The following COL23A1 variants were observed in gnomAD, a reference collection of about 807,000 sequenced individuals.
COL23A1 encodes collagen alpha-1(XXIII) chain.
Under a neutral mutation model 99.3 loss-of-function variants are expected in COL23A1, and 97 were observed. The observed-to-expected ratio is 0.98, with a 90% confidence interval of 0.83 to 1.16. The LOEUF is 1.16. COL23A1 is among the 50% of genes most tolerant of loss of function. COL23A1 has a pLI of 0.00. For missense variants in COL23A1, 762 were observed against 757.4 expected, an observed-to-expected ratio of 1.01 and a Z score of -0.07; for synonymous variants, 320 against 308.2, an observed-to-expected ratio of 1.04 and a Z score of -0.40.
intron 2 of COL23A1, among the ~76,000 whole-genome samples, chr5:178,495,560 T>C (rs1758152870): frequency 6.6e-6 from 1 of 152,094 alleles, no homozygotes; most frequent in African/African-American, 2.4e-5. Flanking sequence ...GGGAGTTGAC[T>C]GTAGGGCACC....
chr5:178,245,210 ATCT>A (rs1285826893), intron 25 of COL23A1, among the ~76,000 whole-genome samples: 1 of 136,332 alleles, frequency 7.3e-6, no homozygotes, highest in Admixed American at 7.4e-5. Context: ...TTCACTCATC[ATCT>A]ATCATCCATC....
chr5:178,542,829 C>T (rs746621273), intron 2 of COL23A1, among the ~76,000 whole-genome samples: 12 of 152,144 alleles, frequency 7.9e-5, no homozygotes, highest in Non-Finnish European at 1.8e-4. Flanking sequence ...GTTGGGCTGC[C>T]AGAGAATGGT....
rs549880525 is a variant in COL23A1 at position 178,518,196 on chromosome 5, A to T, written c.361+42486T>A. ...TGAGTGGACACAGCACATGTTTCAG[A>T]GAGCACGGGGTTGGGGGTAAGGTCA... On this transcript the variant is annotated intron_variant, in intron 2 of 28. Coordinates refer to ENST00000390654, the MANE Select transcript of COL23A1 (RefSeq NM_173465.4). Among the ~76,000 whole-genome samples the T allele has an allele frequency of 3.5e-5, 5 of 142,094 alleles. No individual in the cohort carries two copies. In the South Asian group the frequency reaches 9.7e-4, roughly 27 times the overall value. 93.2% of individuals were successfully genotyped at this position (142,094 alleles called of 152,430 possible).
In COL23A1 at chr5:178,589,073, A is replaced by G. The variant is rs907651209; in HGVS notation, c.294+831T>C. ...ACAAAAGGCGGAGGCTTTGACCAACATGCTGGGTGAGGGCTTGGAGGACCC... is the reference window on the plus strand; with the variant it reads ...ACAAAAGGCGGAGGCTTTGACCAACGTGCTGGGTGAGGGCTTGGAGGACCC... On this transcript the variant is annotated intron_variant, in intron 1 of 28. Coordinates refer to ENST00000390654, the MANE Select transcript of COL23A1 (RefSeq NM_173465.4). This position sits in a 1 kb window ranked among gnomAD's most constrained non-coding sequence, Gnocchi z 5.4. Among the ~76,000 whole-genome samples the G allele has an allele frequency of 2.0e-5, 3 of 152,114 alleles. No individual in the cohort carries two copies. The highest frequency in any genetic ancestry group is 7.2e-5 in the African/African-American group (3 of 41,414).
At chr5:178,503,259 A>G (rs1359511694) in intron 2 of COL23A1, among the ~76,000 whole-genome samples, 1 of 152,126 alleles carries the variant, frequency 6.6e-6, no homozygotes, top group Non-Finnish European at 1.5e-5. Context: ...CTGAGATAAG[A>G]GAATCACTTG....
chr5:178,497,356 T>C (rs1758250486), intron 2 of COL23A1, among the ~76,000 whole-genome samples: 1 of 152,198 alleles, frequency 6.6e-6, no homozygotes, highest in African/African-American at 2.4e-5. Context: ...ATGGCTCATA[T>C]AGTTCCACAG....
At chr5:178,488,100 C>T (rs1394608565) in intron 2 of COL23A1, among the ~76,000 whole-genome samples, 1 of 152,198 alleles carries the variant, frequency 6.6e-6, no homozygotes, top group African/African-American at 2.4e-5. Context: ...GTGCCTGGCA[C>T]ACACGGAGCA....
At chr5:178,447,634 C>T (rs1767236899) in intron 2 of COL23A1, among the ~76,000 whole-genome samples, 1 of 152,216 alleles carries the variant, frequency 6.6e-6, no homozygotes, top group Non-Finnish European at 1.5e-5. Context: ...AACATCTAGG[C>T]TTGTGAGTAC....
chr5:178,286,416 G>A (rs1452330067), intron 5 of COL23A1, among the ~76,000 whole-genome samples: 1 of 152,124 alleles, frequency 6.6e-6, no homozygotes, highest in Non-Finnish European at 1.5e-5. Flanking sequence ...CAGTCACAGC[G>A]CCCCTTCTCC....
chr5:178,256,369 C>G lies in COL23A1; in HGVS notation c.866G>C (p.Gly289Ala). 6.2e-7 allele frequency: 1 copy of G among 1,607,264 alleles called. No homozygotes were observed. The highest frequency in any genetic ancestry group is 8.5e-7 in the Non-Finnish European group (1 of 1,176,366). The change falls in exon 15 of 29, where the codon GGA becomes GCA. Residue 289 changes from glycine (G) to alanine (A), a missense_variant. Transcript: ENST00000390654. The stretch of plus-strand genomic sequence containing the variant: ...GCAGCTTACCCGGGGCCCTGCAGCT[C>G]CATCCGTGCCTCGGTGGCCAGGCTC... ...KGEPGHRGTD[G>A]AAGPRGAPGL...
In COL23A1 at chr5:178,281,884, T is replaced by C. The variant is rs955897581; in HGVS notation, c.441+6440A>G. 2.6e-5 allele frequency among the ~76,000 whole-genome samples: 4 copies of C among 151,638 alleles called. No homozygotes were observed. Among genetic ancestry groups the C allele is most frequent in the Non-Finnish European group, 5.9e-5 (4 of 67,878 alleles). ...GTGCAACATGGCAAAACCCTGTGTC[T>C]ATTAAAAACACAAAAAAATCAGCCA... On this transcript the variant is annotated intron_variant, in intron 5 of 28. Coordinates refer to ENST00000390654, the MANE Select transcript of COL23A1 (RefSeq NM_173465.4). This position sits in a 1 kb window ranked among gnomAD's most constrained non-coding sequence, Gnocchi z 4.0.
chr5:178,258,293 C>G (rs565082905), intron 12 of COL23A1, among the ~76,000 whole-genome samples: 14 of 130,362 alleles, frequency 1.1e-4, no homozygotes, highest in African/African-American at 3.5e-4. Context: ...GGCACCATGT[C>G]AGGAAGTGGA....
chr5:178,318,309 T>C (rs574359714), intron 2 of COL23A1, among the ~76,000 whole-genome samples: 2 of 152,128 alleles, frequency 1.3e-5, no homozygotes, highest in Non-Finnish European at 2.9e-5. Context: ...AAGGGAGAGG[T>C]ACTGACTGGG....
intron 3 of COL23A1, among the ~76,000 whole-genome samples, chr5:178,305,997 C>A (rs1223973206): frequency 1.3e-5 from 2 of 151,698 alleles, no homozygotes; most frequent in South Asian, 2.1e-4. Context: ...CCTCGGGGAC[C>A]CGGAGGAGAG....
At chr5:178,481,329 T>G (rs1757327762) in intron 2 of COL23A1, among the ~76,000 whole-genome samples, 1 of 152,020 alleles carries the variant, frequency 6.6e-6, no homozygotes, top group African/African-American at 2.4e-5. Context: ...ATTTGGCAAA[T>G]AATTTCTTGG....
At chr5:178,436,188 G>A (rs956114618) in intron 2 of COL23A1, among the ~76,000 whole-genome samples, 1 of 152,166 alleles carries the variant, frequency 6.6e-6, no homozygotes. Context: ...GAAAAGTTGG[G>A]GGTGAGGTAG....
At chr5:178,459,023 A>G (rs1439893519) in intron 2 of COL23A1, among the ~76,000 whole-genome samples, 2 of 152,206 alleles carry the variant, frequency 1.3e-5, no homozygotes, top group Non-Finnish European at 2.9e-5. Context: ...AATAAATTGT[A>G]AGAAAAAATT....
rs59091326 is a variant in COL23A1, at chr5:178,262,273, A to G, written c.640-21T>C. 6.9e-3 allele frequency: 10,797 copies of G among 1,574,602 alleles called. 620 individuals carry two copies. The African/African-American group carries it at 0.13, about 18-fold the overall frequency. On this transcript the variant is annotated intron_variant, in intron 9 of 28. Transcript: ENST00000390654. ...GGGCCCTGCGGAAGTGTGAGGGGAC[A>G]GCAGTGAAGGATGCAGGATGTCACA...
chr5:178,367,475 GC>G (rs1762549456), intron 2 of COL23A1, among the ~76,000 whole-genome samples: 1 of 152,194 alleles, frequency 6.6e-6, no homozygotes, highest in Non-Finnish European at 1.5e-5. Flanking sequence ...AGAGCTCCAA[GC>G]CCACTGTGGT....
Sources: gnomAD v4.1 joint callset for allele counts (sites outside exome capture counted in the v4.1 genomes callset) on GRCh38, gnomAD v4.1.1 for gene constraint, Gnocchi (gnomAD v3.1) non-coding constraint, MANE v1.5 for transcripts, NCBI Gene and HGNC (gene_info 2026-07-23, HGNC 2026-07-21) for gene names.